ZNF177: variants seen among roughly 807,000 people sequenced by gnomAD.
ZNF177 encodes the protein zinc finger protein 177.
A neutral mutation model predicts 19.4 loss-of-function variants in ZNF177; 17 were observed. The ratio of observed to expected loss-of-function variants is 0.87; its 90% CI spans 0.60 to 1.31. The LOEUF (loss-of-function observed/expected upper bound fraction) is 1.31. ZNF177 is among the 40% of genes most tolerant of loss of function. The pLI is 0.00. For synonymous variants in ZNF177, 220 were observed against 188.7 expected (o/e 1.17, Z -1.36); for missense variants, 633 against 561.8 (o/e 1.13, Z -1.28).
chr19:9,378,435 A>G (rs890124923), intron 2 of ZNF177, 91 bp downstream of exon 4: 13 of 1,570,766 alleles, frequency 8.3e-6, no homozygotes, highest in Admixed American at 1.8e-5. Flanking sequence ...TCACAGCCCA[A>G]TCTGAGCTGG....
At chr19:9,377,691 T>G (rs2122544974) in intron 1 of ZNF177, among the ~76,000 whole-genome samples, 1 of 90,098 alleles carries the variant, frequency 1.1e-5, no homozygotes, top group East Asian at 2.4e-4. Flanking sequence ...CAGCACTAGA[T>G]TTTGATACAT....
exon 4 of ZNF177, chr19:9,379,532 C>G: frequency 6.2e-7 from 1 of 1,613,452 alleles, no homozygotes; most frequent in South Asian, 1.1e-5. Flanking sequence ...AGCAGGGTAT[C>G]AGCTCTGCAG....
intron 1 of ZNF177, among the ~76,000 whole-genome samples, chr19:9,363,832 C>G (rs1037036400): frequency 2.0e-5 from 3 of 152,164 alleles, no homozygotes. Flanking sequence ...CGACCCACTC[C>G]TGCCCTACAA....
chr19:9,379,830 C>CCTATTTTCT, intron 4 of ZNF177: 4 of 13,750 alleles, frequency 2.9e-4, no homozygotes, highest in Non-Finnish European at 2.6e-4. Flanking sequence ...TGCTTTTTGC[C>CCTATTTTCT]AGATAATACT....
At chr19:9,381,154 G>A (rs1174595473) in exon 6 of ZNF177, 1 of 1,614,172 alleles carries the variant, frequency 6.2e-7, no homozygotes, top group African/African-American at 1.3e-5. Flanking sequence ...TCAGAACTGT[G>A]TCAGAACTCA....
At chr19:9,364,328 C>CTG (rs1041049357) in intron 1 of ZNF177, among the ~76,000 whole-genome samples, 3 of 152,110 alleles carry the variant, frequency 2.0e-5, no homozygotes, top group Non-Finnish European at 4.4e-5. Flanking sequence ...CAACTTGGGC[C>CTG]TGGAGGACTG....
downstream of ZNF177, chr19:9,382,290 G>C (rs2068214409): frequency 2.5e-6 from 1 of 398,470 alleles, no homozygotes; most frequent in Non-Finnish European, 4.4e-6. Context: ...GAAGTCACTG[G>C]ATACAGCTGC....
exon 6 of ZNF177, chr19:9,381,245 C>T: frequency 6.2e-7 from 1 of 1,614,136 alleles, no homozygotes; most frequent in Non-Finnish European, 8.5e-7. Flanking sequence ...CACATGAGAT[C>T]TCATACTGGA....
At chr19:9,380,862 A>G (rs2122564174) in exon 6 of ZNF177, 1 of 1,536,146 alleles carries the variant, frequency 6.5e-7, no homozygotes, top group East Asian at 2.4e-5. Context: ...AAACTCTTGA[A>G]TTTACTGATT....
chr19:9,379,989 C>G (rs2068169218), intron 4 of ZNF177, 68 bp from the exon 7 acceptor site: 1 of 1,545,354 alleles, frequency 6.5e-7, no homozygotes, highest in African/African-American at 1.4e-5. Flanking sequence ...TCCATAGGGT[C>G]TCCCTCCCTT....
chr19:9,371,976 G>T (rs1370864260), upstream of ZNF177, among the ~76,000 whole-genome samples: 1 of 152,054 alleles, frequency 6.6e-6, no homozygotes, highest in South Asian at 2.1e-4. Flanking sequence ...ATCTAAAAGG[G>T]TAATATCCAA....
intron 2 of ZNF177, among the ~76,000 whole-genome samples, chr19:9,366,820 AAAC>A (rs1280857875): frequency 6.6e-6 from 1 of 152,170 alleles, no homozygotes; most frequent in African/African-American, 2.4e-5. Flanking sequence ...CTCCACAAAA[AAAC>A]AAGAGAATTT....
At chr19:9,377,852 C>CA (rs548432453) in intron 1 of ZNF177, among the ~76,000 whole-genome samples, 5,072 of 152,146 alleles carry the variant, frequency 0.033, 116 homozygotes, top group South Asian at 0.1. Flanking sequence ...GAAATTGGTC[C>CA]CATTCTAACA....
upstream of ZNF177, chr19:9,371,494 G>A (rs1023408998): frequency 3.3e-5 from 5 of 152,038 alleles, no homozygotes; most frequent in South Asian, 2.1e-4. Flanking sequence ...TTTGTCTAGC[G>A]TTTTAGGTTG....
At chr19:9,381,272 G>T in exon 6 of ZNF177, 1 of 1,614,168 alleles carries the variant, frequency 6.2e-7, no homozygotes, top group Non-Finnish European at 8.5e-7. Context: ...CCTTATGAGT[G>T]TGATCACTGT....
chr19:9,366,228 ACCTTGGCTTC>A, intron 2 of ZNF177, among the ~76,000 whole-genome samples: 1 of 151,732 alleles, frequency 6.6e-6, no homozygotes, highest in East Asian at 1.9e-4. Context: ...TGATGCGCCC[ACCTTGGCTTC>A]CCAAAGTGCT....
chr19:9,375,009 T>G (rs927182371), upstream of ZNF177, among the ~76,000 whole-genome samples: 2 of 152,202 alleles, frequency 1.3e-5, no homozygotes, highest in Admixed American at 1.3e-4. Context: ...GTTGAAGTAC[T>G]TTCCTTCTGT....
intron 1 of ZNF177, among the ~76,000 whole-genome samples, chr19:9,377,843 AAATTGGT>A (rs879918204): frequency 0.033 from 5,067 of 152,242 alleles, 115 homozygotes; most frequent in South Asian, 0.1. Context: ...CAACCCTATG[AAATTGGT>A]CCCATTCTAA....
chr19:9,375,366 G>C (rs958537608), upstream of ZNF177, among the ~76,000 whole-genome samples: 2 of 152,116 alleles, frequency 1.3e-5, no homozygotes, highest in African/African-American at 4.8e-5. Context: ...AGTTTAATGA[G>C]GAGTTTGGTT....
Sources: gnomAD v4.1 joint callset for allele counts (sites outside exome capture counted in the v4.1 genomes callset) on GRCh38, gnomAD v4.1.1 for gene constraint, MANE v1.5 for transcripts, NCBI Gene and HGNC (gene_info 2026-07-23, HGNC 2026-07-21) for gene names.